CACNA1I: variants seen among roughly 807,000 people sequenced by gnomAD.
CACNA1I encodes the protein voltage-dependent T-type calcium channel subunit alpha-1I.
Under a neutral mutation model 201.6 loss-of-function variants are expected in CACNA1I, and 74 were observed. The ratio of observed to expected loss-of-function variants is 0.37; its 90% confidence interval spans 0.30 to 0.45. The LOEUF (loss-of-function observed/expected upper bound fraction) is 0.45. Among genes scored for constraint, CACNA1I ranks in the 20% least tolerant of loss-of-function variants. CACNA1I has a pLI of 1.00. For missense variants in CACNA1I, 2,346 were observed against 3,138.1 expected, an observed-to-expected ratio of 0.75 and a Z score of 6.03; for synonymous variants, 1,431 against 1,345.2, an observed-to-expected ratio of 1.06 and a Z score of -1.40.
chr22:39,649,981 C>T lies in CACNA1I; in HGVS notation c.1992+56C>T. The T allele has an allele frequency of 6.4e-7, 1 of 1,556,470 alleles. No homozygotes were observed. The highest frequency in any genetic ancestry group is 8.8e-7 in the Non-Finnish European group (1 of 1,131,480). On this transcript the variant is annotated intron_variant, in intron 10 of 36. Coordinates refer to ENST00000402142, the MANE Select transcript of CACNA1I (RefSeq NM_021096.4). The surrounding 1 kb of genome is among the most constrained non-coding windows in gnomAD (Gnocchi z 7.3). ...GGGAGAGGTGTGAGGGCCCCAGGAC[C>T]CTGCCCAGGCCTGGGCAGCCCCATC...
intron 35 of CACNA1I, among the ~76,000 whole-genome samples, chr22:39,682,862 A>G (rs961666964): frequency 6.6e-6 from 1 of 152,204 alleles, no homozygotes; most frequent in Non-Finnish European, 1.5e-5. Flanking sequence ...GCCAAATAGT[A>G]CAAAAAGATG....
At chr22:39,608,116 CAAAAA>C (rs147887508) in intron 3 of CACNA1I, among the ~76,000 whole-genome samples, 4 of 106,666 alleles carry the variant, frequency 3.8e-5, no homozygotes, top group Non-Finnish European at 3.7e-5. Context: ...ACTCCATCTC[CAAAAA>C]AAAAAAAAAA....
rs1395146965 is a variant in CACNA1I, at chr22:39,680,915, C to T, written c.5542-15C>T. The T allele has an allele frequency of 6.2e-7, 1 of 1,604,376 alleles. No individual in the cohort carries two copies. Among genetic ancestry groups the T allele is most frequent in the African/African-American group, 1.3e-5 (1 of 74,874 alleles). The stretch of plus-strand genomic sequence containing the variant: ...CCAAACCTGGGTGACCCGAGGCCAC[C>T]CCCTCTTCCTGCAGGTGCAGCTGGC... On this transcript the variant is annotated splice_polypyrimidine_tract_variant and intron_variant, in intron 33 of 36. Transcript: ENST00000402142.
Position 39,682,664 on chromosome 22 carries a change from G to A in CACNA1I, c.5830+3G>A, listed in dbSNP as rs1194346324. On this transcript the variant is annotated splice_donor_region_variant and intron_variant, in intron 35 of 36. Coordinates refer to ENST00000402142, the MANE Select transcript of CACNA1I (RefSeq NM_021096.4). ...GCTGAAACATGACAGCAGTCAAGGTGAGGGGTGGGAGCCCTGCCAGCTCCC... is the reference window on the plus strand; with the variant it reads ...GCTGAAACATGACAGCAGTCAAGGTAAGGGGTGGGAGCCCTGCCAGCTCCC... 6 of 1,610,382 alleles carry A rather than the reference G, an allele frequency of 3.7e-6. No individual in the cohort carries two copies. The African/African-American group carries it at 6.7e-5, about 18-fold the overall frequency.
rs369860872 is a variant in CACNA1I, at chr22:39,593,763, TTG to T, written c.237-4384_237-4383del. 3.0e-4 allele frequency among the ~76,000 whole-genome samples: 45 copies of T among 152,318 alleles called. 1 individual carries two copies. The highest frequency in any genetic ancestry group is 1.1e-3 in the African/African-American group (44 of 41,568). Reference sequence around the variant, plus strand: ...CAGGAAAAGCCTCCAGCCTGAGGTTTTGTGTCTCAGCTCTGCTCTTTTCCAGC... The same window carrying T: ...CAGGAAAAGCCTCCAGCCTGAGGTTTTGTCTCAGCTCTGCTCTTTTCCAGC... On this transcript the variant is annotated intron_variant, in intron 1 of 36. Transcript: ENST00000402142.
intron 18 of CACNA1I, 130 bp from the exon 19 acceptor site, chr22:39,663,588 C>A: frequency 9.1e-7 from 1 of 1,103,870 alleles, no homozygotes; most frequent in Non-Finnish European, 1.3e-6. Flanking sequence ...CGGCACCTGG[C>A]CAGAGGAGAG....
rs887809791 is a variant in CACNA1I at position 39,629,034 on chromosome 22, T to C, written c.581-5531T>C. ...GCCACCTCCTCTCAGGTGTCCCCAC[T>C]GCCACTGAGGGGCTGCCTCTGCCTG... On this transcript the variant is annotated intron_variant, in intron 4 of 36. Transcript: ENST00000402142. This position sits in a 1 kb window ranked among gnomAD's most constrained non-coding sequence, Gnocchi z 4.8. 2.2e-4 allele frequency among the ~76,000 whole-genome samples: 33 copies of C among 152,124 alleles called. No individual in the cohort carries two copies. Among genetic ancestry groups the C allele is most frequent in the Admixed American group, 7.9e-4 (12 of 15,284 alleles).
intron 3 of CACNA1I, among the ~76,000 whole-genome samples, chr22:39,601,085 C>T (rs1026276789): frequency 4.6e-5 from 7 of 152,170 alleles, no homozygotes; most frequent in South Asian, 4.1e-4. Context: ...TTATTTCTAC[C>T]GAGACACAAG....
At chr22:39,604,953 A>G (rs1933168811) in intron 3 of CACNA1I, among the ~76,000 whole-genome samples, 1 of 151,752 alleles carries the variant, frequency 6.6e-6, no homozygotes, top group South Asian at 2.1e-4. Context: ...GAACAGGACC[A>G]CCCCGTGCTC....
intron 32 of CACNA1I, 91 bp downstream of exon 32, chr22:39,679,536 G>A: frequency 9.1e-7 from 1 of 1,104,330 alleles, no homozygotes; most frequent in Non-Finnish European, 1.2e-6. Context: ...CTTGCACAGA[G>A]ACCTCTGTCT....
intron 3 of CACNA1I, among the ~76,000 whole-genome samples, chr22:39,609,128 C>T (rs1266532884): frequency 6.6e-6 from 1 of 152,200 alleles, no homozygotes; most frequent in Non-Finnish European, 1.5e-5. Context: ...CTGCTGAGTG[C>T]TCACACCGTG....
At position 39,629,709 on chromosome 22, in the gene CACNA1I, C is replaced by G. The variant is rs1210543661; in HGVS notation, c.581-4856C>G. Among the ~76,000 whole-genome samples the G allele has an allele frequency of 6.6e-6, 1 of 152,136 alleles. No homozygotes were observed. Among genetic ancestry groups the G allele is most frequent in the Non-Finnish European group, 1.5e-5 (1 of 68,034 alleles). On this transcript the variant is annotated intron_variant, in intron 4 of 36. Transcript: ENST00000402142. This position sits in a 1 kb window ranked among gnomAD's most constrained non-coding sequence, Gnocchi z 4.8. ...ACACTCAGCGCTCCGGTTTCTGTCC[C>G]ACGTGAGACCCCCGGGAGGCAGCGA... is the stretch of plus-strand genomic sequence containing the variant.
intron 1 of CACNA1I, among the ~76,000 whole-genome samples, chr22:39,575,983 C>G (rs1179973465): frequency 2.0e-5 from 3 of 152,122 alleles, no homozygotes; most frequent in Admixed American, 6.5e-5. Flanking sequence ...CCATTTCAGC[C>G]AGGCTGGTCT....
intron 20 of CACNA1I, 68 bp downstream of exon 20, chr22:39,664,227 T>C: frequency 7.8e-7 from 1 of 1,284,870 alleles, no homozygotes; most frequent in Non-Finnish European, 1.1e-6. Context: ...GGTCAGCCCC[T>C]GCCTCAGCTT....
At position 39,659,800 on chromosome 22, in the gene CACNA1I, A is replaced by G; in HGVS notation, c.2552A>G (p.Tyr851Cys). 6.2e-7 allele frequency: 1 copy of G among 1,613,704 alleles called. No individual in the cohort carries two copies. The highest frequency in any genetic ancestry group is 8.5e-7 in the Non-Finnish European group (1 of 1,179,822). ...GTCGCCCTCATGACCTTCGGCAACT[A>G]TGTGCTCTTCAACCTGCTGGTGGCC... Reference protein sequence around the residue: ...YFVALMTFGNYVLFNLLVAIL... With the variant: ...YFVALMTFGNCVLFNLLVAIL... Residue 851 changes from tyrosine (Y) to cysteine (C), a missense_variant, in exon 14 of 37, where the codon TAT (tyrosine) becomes TGT (cysteine). Tyr to Cys is a radical substitution (Grantham distance 194). Around this residue, in one of 13 missense-constraint regions of CACNA1I, gnomAD observed 155 missense variants for 300.8 expected, o/e 0.52. Coordinates refer to ENST00000402142, the MANE Select transcript of CACNA1I (RefSeq NM_021096.4). This position sits in a 1 kb window ranked among gnomAD's most constrained non-coding sequence, Gnocchi z 4.3.
At chr22:39,655,084 G>C (rs116231049) in intron 10 of CACNA1I, among the ~76,000 whole-genome samples, 1,866 of 152,262 alleles carry the variant, frequency 0.012, 37 homozygotes, top group African/African-American at 0.042. Context: ...CCATGACCCT[G>C]GGCAGTCAGT....
chr22:39,677,267 C>A lies in CACNA1I; in HGVS notation c.4855-74C>A. The stretch of plus-strand genomic sequence containing the variant: ...AGGCTGCCCAACCCCACTGCCCCAG[C>A]CTCCACCCTTCCCAGGCCTGGTGCG... On this transcript the variant is annotated intron_variant, in intron 29 of 36. Coordinates refer to ENST00000402142, the MANE Select transcript of CACNA1I (RefSeq NM_021096.4). The surrounding 1 kb of genome is among the most constrained non-coding windows in gnomAD (Gnocchi z 4.8). 3.0e-6 allele frequency: 3 copies of A among 1,014,680 alleles called. No homozygotes were observed. The highest frequency in any genetic ancestry group is 4.4e-6 in the Non-Finnish European group (3 of 675,946). 62.9% of individuals were successfully genotyped at this position (1,014,680 alleles called of 1,614,324 possible).
Position 39,684,294 on chromosome 22 carries a change from C to T in CACNA1I, c.5831-8C>T, listed in dbSNP as rs775471685. ...CTCCCTCAGCTCTGTCTTCTCCTTT[C>T]CCAGCAGCACCCCCAAGTCCCTTCT... is the stretch of plus-strand genomic sequence containing the variant. On this transcript the variant is annotated splice_region_variant and splice_polypyrimidine_tract_variant and intron_variant, in intron 35 of 36. Coordinates refer to ENST00000402142, the MANE Select transcript of CACNA1I (RefSeq NM_021096.4). The surrounding 1 kb of genome is among the most constrained non-coding windows in gnomAD (Gnocchi z 4.6). 1 of 1,612,966 alleles carries T rather than the reference C, an allele frequency of 6.2e-7. No individual in the cohort carries two copies. The highest frequency in any genetic ancestry group is 8.5e-7 in the Non-Finnish European group (1 of 1,179,556).
At position 39,576,950 on chromosome 22, in the gene CACNA1I, T is replaced by G. The variant is rs532313188; in HGVS notation, c.236+5962T>G. On this transcript the variant is annotated intron_variant, in intron 1 of 36. Coordinates refer to ENST00000402142, the MANE Select transcript of CACNA1I (RefSeq NM_021096.4). ...CTGGGGTCTGGATGTCTGTGCTTCT[T>G]CTTCTTCTTCTTTTTTTTTGAGACC... Among the ~76,000 whole-genome samples the G allele has an allele frequency of 1.3e-4, 20 of 152,214 alleles. No homozygotes were observed. In the South Asian group the frequency reaches 1.5e-3, roughly 11 times the overall value.
Sources: allele counts gnomAD v4.1 joint callset (sites outside exome capture counted in the v4.1 genomes callset), GRCh38; gene constraint gnomAD v4.1.1; regional missense constraint gnomAD v4.1.1; non-coding constraint Gnocchi (gnomAD v3.1); transcripts MANE v1.5; gene names NCBI Gene and HGNC (gene_info 2026-07-23, HGNC 2026-07-21).